MEGF11: variants seen among roughly 807,000 people sequenced by gnomAD.
MEGF11 encodes multiple EGF like domains 11, also known as multiple epidermal growth factor-like domains protein 11.
Under a neutral mutation model 146.6 loss-of-function variants are expected in MEGF11, and 126 were observed. The ratio of observed to expected loss-of-function variants is 0.86; its 90% CI spans 0.74 to 1.00. MEGF11 has a LOEUF of 1.00. Among genes scored for constraint, MEGF11 ranks in the 50% least tolerant of loss-of-function variants. The pLI is 0.00. For missense variants in MEGF11, 1,509 were observed against 1,521.2 expected, an observed-to-expected ratio of 0.99 and a Z score of 0.13; for synonymous variants, 532 against 583.4, an observed-to-expected ratio of 0.91 and a Z score of 1.27.
chr15:66,154,283 T>C (rs1240937626), intron 1 of MEGF11, among the ~76,000 whole-genome samples: 1 of 114,642 alleles, frequency 8.7e-6, no homozygotes, highest in African/African-American at 3.1e-5. Flanking sequence ...CACTCCATTC[T>C]CCCTCCCCAA....
At chr15:65,916,126 A>C in intron 18 of MEGF11, 22 bp downstream of exon 18, 1 of 1,570,514 alleles carries the variant, frequency 6.4e-7, no homozygotes, top group Non-Finnish European at 8.7e-7. Flanking sequence ...ATCACCCAGG[A>C]TCAGGGGTCA....
chr15:66,170,612 G>T (rs993231576), intron 1 of MEGF11, among the ~76,000 whole-genome samples: 1 of 152,166 alleles, frequency 6.6e-6, no homozygotes, highest in Non-Finnish European at 1.5e-5. Flanking sequence ...ATAATTTTTT[G>T]AAAGGAACCA....
intron 10 of MEGF11, among the ~76,000 whole-genome samples, chr15:65,955,739 T>TAAAA (rs1189666912): frequency 0.033 from 322 of 9,716 alleles, 44 homozygotes; most frequent in East Asian, 0.038. Context: ...GTGAGACTCT[T>TAAAA]AAAAAAAAAA....
chr15:66,055,068 T>A (rs1317170298), intron 5 of MEGF11, among the ~76,000 whole-genome samples: 1 of 152,216 alleles, frequency 6.6e-6, no homozygotes, highest in Non-Finnish European at 1.5e-5. Context: ...CCATCCCTCC[T>A]GTATTGAACC....
chr15:66,180,208 C>T (rs981795086), intron 1 of MEGF11, among the ~76,000 whole-genome samples: 5 of 152,256 alleles, frequency 3.3e-5, no homozygotes, highest in African/African-American at 1.2e-4. Flanking sequence ...GCCCTGACCC[C>T]ACTCTTCAGA....
chr15:65,971,137 G>A (rs1030595181), intron 7 of MEGF11: 2 of 164,812 alleles, frequency 1.2e-5, no homozygotes, highest in African/African-American at 4.8e-5. Context: ...GCTGACATGA[G>A]AGTCAAAGGG....
intron 5 of MEGF11, among the ~76,000 whole-genome samples, chr15:65,999,647 G>A (rs765041622): frequency 6.6e-6 from 1 of 152,140 alleles, no homozygotes; most frequent in African/African-American, 2.4e-5. Flanking sequence ...ATAAAATGGG[G>A]CTCTTGTGTG....
intron 1 of MEGF11, among the ~76,000 whole-genome samples, chr15:66,237,708 A>G (rs1306285683): frequency 2.0e-5 from 3 of 152,198 alleles, no homozygotes; most frequent in African/African-American, 7.2e-5. Context: ...GCCGGGCTCA[A>G]TGCTGTCTGG....
Position 65,909,732 on chromosome 15 carries a change from C to T in MEGF11, c.2896+8G>A, listed in dbSNP as rs759186987. 1 of 1,569,676 alleles carries T rather than the reference C, an allele frequency of 6.4e-7. No homozygotes were observed. Among genetic ancestry groups the T allele is most frequent in the Non-Finnish European group, 8.6e-7 (1 of 1,165,500 alleles). On this transcript the variant is annotated splice_region_variant and intron_variant, in intron 22 of 25. Transcript: ENST00000395614. Reference sequence around the variant, plus strand: ...GATGGTGGGGACCAGACTCACACCACTACTGACCTAACACGTTCACATAGC... The same window carrying T: ...GATGGTGGGGACCAGACTCACACCATTACTGACCTAACACGTTCACATAGC...
chr15:66,179,795 A>G (rs2090493222), intron 1 of MEGF11, among the ~76,000 whole-genome samples: 1 of 151,932 alleles, frequency 6.6e-6, no homozygotes, highest in Non-Finnish European at 1.5e-5. Flanking sequence ...TTATCTCTGC[A>G]AGCCTGCCCC....
chr15:66,141,978 G>A (rs772937171), intron 1 of MEGF11, among the ~76,000 whole-genome samples: 8 of 151,930 alleles, frequency 5.3e-5, no homozygotes, highest in East Asian at 1.9e-4. Context: ...TGGGGGGATC[G>A]GCGGCAATAA....
chr15:66,181,930 G>T (rs2090560411), intron 1 of MEGF11, among the ~76,000 whole-genome samples: 1 of 152,132 alleles, frequency 6.6e-6, no homozygotes, highest in African/African-American at 2.4e-5. Flanking sequence ...TCTCCTAGAG[G>T]AATGTCCCCT....
rs917154633 is a variant in MEGF11, at chr15:66,094,451, C to T, written c.345G>A (p.Pro115=). ...EECVHGRCVS[P]DTCHCEPGWG... is the part of the protein sequence containing the mutation. ...AGCCAGGCTCGCAGTGGCAGGTGTC[C>T]GGGGAAACGCAGCGGCCGTGCACAC... is the stretch of plus-strand genomic sequence containing the variant. Residue 115 remains proline (P), a synonymous_variant, in exon 5 of 26, where the codon CCG becomes CCA. Coordinates refer to ENST00000395614, the MANE Select transcript of MEGF11 (RefSeq NM_001385028.1). 1.2e-5 allele frequency: 19 copies of T among 1,560,808 alleles called. No homozygotes were observed. The highest frequency in any genetic ancestry group is 1.1e-4 in the African/African-American group (8 of 73,476).
intron 7 of MEGF11, among the ~76,000 whole-genome samples, chr15:65,977,312 T>A (rs2081486091): frequency 6.6e-6 from 1 of 152,118 alleles, no homozygotes; most frequent in Non-Finnish European, 1.5e-5. Context: ...TGATCAGTGA[T>A]GCTCCAGGGT....
intron 9 of MEGF11, among the ~76,000 whole-genome samples, chr15:65,963,000 C>A (rs1356956418): frequency 6.6e-6 from 1 of 152,220 alleles, no homozygotes; most frequent in Admixed American, 6.5e-5. Flanking sequence ...GCATCGAGGA[C>A]TCCTTCAGAG....
At chr15:66,000,058 TA>T (rs1181483609) in intron 5 of MEGF11, among the ~76,000 whole-genome samples, 5 of 152,188 alleles carry the variant, frequency 3.3e-5, no homozygotes, top group Non-Finnish European at 7.4e-5. Flanking sequence ...CTGCCTCAGT[TA>T]TCCCAGTCAA....
At chr15:65,917,811 G>A (rs1459453571) in intron 16 of MEGF11, among the ~76,000 whole-genome samples, 155 bp downstream of exon 16, 1 of 133,858 alleles carries the variant, frequency 7.5e-6, no homozygotes, top group African/African-American at 2.5e-5. Flanking sequence ...AATCCATCAT[G>A]TTAGCTATAG....
intron 1 of MEGF11, among the ~76,000 whole-genome samples, chr15:66,224,278 G>C (rs547714751): frequency 2.7e-4 from 41 of 152,170 alleles, no homozygotes; most frequent in African/African-American, 9.9e-4. Flanking sequence ...AGGAATTAAT[G>C]CATATAAAGT....
intron 1 of MEGF11, among the ~76,000 whole-genome samples, chr15:66,203,854 G>A (rs993450514): frequency 4.6e-5 from 7 of 152,318 alleles, no homozygotes; most frequent in Admixed American, 3.3e-4. Flanking sequence ...TTGCAATAAT[G>A]TTCTTGTGAT....
Sources: allele counts gnomAD v4.1 joint callset (sites outside exome capture counted in the v4.1 genomes callset), GRCh38; gene constraint gnomAD v4.1.1; transcripts MANE v1.5; gene names NCBI Gene and HGNC (gene_info 2026-07-23, HGNC 2026-07-21).